The following MFN1 variants were observed in gnomAD, a reference collection of about 807,000 sequenced individuals.
MFN1 encodes mitofusin 1, also known as mitofusin-1.
A neutral mutation model predicts 92.4 loss-of-function variants in MFN1; 65 were observed. That is an observed-to-expected ratio of 0.70 (90% CI 0.58 to 0.86). The LOEUF (loss-of-function observed/expected upper bound fraction) is 0.86. Among genes scored for constraint, MFN1 ranks in the 40% least tolerant of loss-of-function variants. The pLI is 0.00. For missense variants in MFN1, 781 were observed against 868.0 expected, an observed-to-expected ratio of 0.90 and a Z score of 1.26; for synonymous variants, 297 against 300.9, an observed-to-expected ratio of 0.99 and a Z score of 0.13.
chr3:179,374,106 C>T (rs917523605), intron 9 of MFN1, among the ~76,000 whole-genome samples: 3 of 151,290 alleles, frequency 2.0e-5, no homozygotes, highest in East Asian at 1.9e-4. Context: ...AGTTGAAGAC[C>T]GGCCTGGCCA....
intron 14 of MFN1, among the ~76,000 whole-genome samples, chr3:179,383,472 G>A (rs977040279): frequency 6.6e-6 from 1 of 151,894 alleles, no homozygotes; most frequent in African/African-American, 2.4e-5. Flanking sequence ...GTTAGTGTTT[G>A]GTAGTGTAGT....
rs180837369 is a variant in MFN1, at chr3:179,374,980, A to C, written c.976-240A>C. Reference sequence around the variant, plus strand: ...TTTTTTTTAATGTTAGAGTCAAACCATTGCACATTACTGTGTAAAAATACA... The same window carrying C: ...TTTTTTTTAATGTTAGAGTCAAACCCTTGCACATTACTGTGTAAAAATACA... On this transcript the variant is annotated intron_variant, in intron 9 of 17. Coordinates refer to ENST00000471841, the MANE Select transcript of MFN1 (RefSeq NM_033540.3). 7.2e-3 allele frequency among the ~76,000 whole-genome samples: 1,097 copies of C among 152,344 alleles called. 9 individuals carry two copies. The highest frequency in any genetic ancestry group is 0.011 in the Non-Finnish European group (716 of 68,030).
intron 14 of MFN1, among the ~76,000 whole-genome samples, chr3:179,381,974 T>TG: frequency 6.6e-6 from 1 of 152,380 alleles, no homozygotes; most frequent in East Asian, 1.9e-4. Flanking sequence ...CCAATACTGT[T>TG]GCAGGTGGTG....
Position 179,392,993 on chromosome 3 carries a change from T to G in MFN1, c.*934T>G, listed in dbSNP as rs2108565219. 6.6e-6 allele frequency: 1 copy of G among 152,330 alleles called. No homozygotes were observed. 9.4% of individuals were successfully genotyped at this position (152,330 alleles called of 1,614,324 possible). On this transcript the variant is annotated 3_prime_UTR_variant, in exon 18 of 18. Coordinates refer to ENST00000471841, the MANE Select transcript of MFN1 (RefSeq NM_033540.3). ...AAGATTTTGGGTTCAAATATCTTTCTATATTAAAAGCTGATTGAGTCTGTA... is the reference window on the plus strand; with the variant it reads ...AAGATTTTGGGTTCAAATATCTTTCGATATTAAAAGCTGATTGAGTCTGTA...
At chr3:179,384,350 GTA>G (rs1713588419) in intron 14 of MFN1, among the ~76,000 whole-genome samples, 2 of 152,058 alleles carry the variant, frequency 1.3e-5, no homozygotes, top group African/African-American at 4.8e-5. Flanking sequence ...GTTCTAATGG[GTA>G]TAGAGTAGTA....
At chr3:179,386,681 A>G in intron 16 of MFN1, 52 bp downstream of exon 16, 1 of 1,502,064 alleles carries the variant, frequency 6.7e-7, no homozygotes, top group Non-Finnish European at 9.0e-7. Context: ...GAAATATGAC[A>G]TACATGCAGA....
chr3:179,357,552 T>C (rs1163571294), intron 3 of MFN1, among the ~76,000 whole-genome samples: 2 of 152,184 alleles, frequency 1.3e-5, no homozygotes, highest in African/African-American at 4.8e-5. Flanking sequence ...TTCCCTCTTA[T>C]GCTAAAGGAA....
intron 10 of MFN1, among the ~76,000 whole-genome samples, chr3:179,375,612 C>A (rs1410247865): frequency 6.6e-6 from 1 of 152,146 alleles, no homozygotes; most frequent in Non-Finnish European, 1.5e-5. Flanking sequence ...TTTAAAATAT[C>A]TTTGAAGCAG....
intron 9 of MFN1, among the ~76,000 whole-genome samples, chr3:179,373,629 TAA>T (rs1009243924): frequency 7.2e-5 from 11 of 152,158 alleles, no homozygotes; most frequent in African/African-American, 2.7e-4. Context: ...TTCTGTGAAG[TAA>T]AAATGAAATA....
At chr3:179,355,518 A>T (rs1165096530) in intron 3 of MFN1, among the ~76,000 whole-genome samples, 3 of 152,226 alleles carry the variant, frequency 2.0e-5, no homozygotes, top group Non-Finnish European at 4.4e-5. Context: ...GACTTGGACT[A>T]GGGAGAATTC....
chr3:179,347,928 G>A (rs1006857072), intron 1 of MFN1, 118 bp downstream of exon 1: 1 of 152,240 alleles, frequency 6.6e-6, no homozygotes, highest in African/African-American at 2.4e-5. Flanking sequence ...CGCCCGCCGC[G>A]GTCCTGTGGG....
chr3:179,355,295 T>C (rs1342863674), intron 3 of MFN1, among the ~76,000 whole-genome samples: 2 of 152,186 alleles, frequency 1.3e-5, no homozygotes, highest in Non-Finnish European at 1.5e-5. Flanking sequence ...CTGTATATTG[T>C]GCCAACCTCC....
chr3:179,388,630 AATAT>A (rs1264807604), intron 16 of MFN1, among the ~76,000 whole-genome samples: 2 of 152,218 alleles, frequency 1.3e-5, no homozygotes, highest in Non-Finnish European at 2.9e-5. Flanking sequence ...AGTGATAAGA[AATAT>A]AAGAGAAAGA....
At chr3:179,353,567 C>T (rs963552717) in intron 3 of MFN1, among the ~76,000 whole-genome samples, 15 of 152,008 alleles carry the variant, frequency 9.9e-5, no homozygotes, top group Admixed American at 2.0e-4. Context: ...TGGATTATGG[C>T]GGGGAGAAAA....
intron 9 of MFN1, among the ~76,000 whole-genome samples, chr3:179,370,392 C>CTTGTTTTT (rs1712974842): frequency 1.1e-5 from 1 of 88,068 alleles, no homozygotes; most frequent in Non-Finnish European, 2.1e-5. Context: ...TCACTAAGTT[C>CTTGTTTTT]TTTTTTTTTT....
chr3:179,384,992 G>T (rs1309989240), intron 14 of MFN1, among the ~76,000 whole-genome samples: 1 of 135,318 alleles, frequency 7.4e-6, no homozygotes, highest in African/African-American at 2.8e-5. Context: ...TGCAAGCTCT[G>T]CCTCCTGGGT....
rs1019516575 is a variant in MFN1, at chr3:179,392,012, G to A, written c.2179G>A (p.Glu727Lys). The A allele has an allele frequency of 8.1e-6, 13 of 1,609,834 alleles. No individual in the cohort carries two copies. The highest frequency in any genetic ancestry group is 1.7e-4 in the Middle Eastern group (1 of 6,040). Residue 727 changes from glutamate (E) to lysine (K), a missense_variant, in exon 18 of 18, where the codon GAG (glutamate) becomes AAG (lysine). Coordinates refer to ENST00000471841, the MANE Select transcript of MFN1 (RefSeq NM_033540.3). Reference protein sequence around the residue: ...NKAVQLENELENFTKQFLPSS... With the variant: ...NKAVQLENELKNFTKQFLPSS... Reference sequence around the variant, plus strand: ...AGCTGTTCAACTTGAAAATGAGCTGGAGAATTTTACTAAGCAGTTTCTACC... The same window carrying A: ...AGCTGTTCAACTTGAAAATGAGCTGAAGAATTTTACTAAGCAGTTTCTACC...
intron 9 of MFN1, among the ~76,000 whole-genome samples, chr3:179,372,260 A>G (rs1444945213): frequency 6.6e-6 from 1 of 151,330 alleles, no homozygotes; most frequent in Non-Finnish European, 1.5e-5. Context: ...TTGAAAGTAT[A>G]TCAAAATAAG....
chr3:179,374,531 AT>A (rs1163257529), intron 9 of MFN1, among the ~76,000 whole-genome samples: 2 of 151,898 alleles, frequency 1.3e-5, no homozygotes, highest in Middle Eastern at 3.4e-3. Context: ...TAAAACACTG[AT>A]TTATAACAAC....
Sources: gnomAD v4.1 joint callset for allele counts (sites outside exome capture counted in the v4.1 genomes callset) on GRCh38, gnomAD v4.1.1 for gene constraint, MANE v1.5 for transcripts, NCBI Gene and HGNC (gene_info 2026-07-23, HGNC 2026-07-21) for gene names.